GALNTL6: variants seen among roughly 807,000 people sequenced by gnomAD.
GALNTL6 encodes the protein polypeptide N-acetylgalactosaminyltransferase-like 6.
Under a neutral mutation model 73.7 loss-of-function variants are expected in GALNTL6, and 46 were observed. That is an observed-to-expected ratio of 0.62 (90% CI 0.49 to 0.80). The LOEUF is 0.80. GALNTL6 is among the 30% of genes least tolerant of loss of function. The pLI is 0.00. For synonymous variants in GALNTL6, 259 were observed against 263.7 expected (o/e 0.98, Z 0.17); for missense variants, 604 against 755.0 (o/e 0.80, Z 2.34).
chr4:172,774,947 G>A (rs970976024), intron 5 of GALNTL6, among the ~76,000 whole-genome samples: 7 of 144,550 alleles, frequency 4.8e-5, no homozygotes, highest in Non-Finnish European at 8.9e-5. Context: ...GTGACAGAGC[G>A]AGGCTCCATC....
At chr4:172,966,631 A>T (rs145411778) in intron 10 of GALNTL6, among the ~76,000 whole-genome samples, 157 of 152,288 alleles carry the variant, frequency 1.0e-3, no homozygotes, top group Non-Finnish European at 1.7e-3. Flanking sequence ...CCCTCAGGTG[A>T]TCCACCCGCC....
At chr4:172,415,360 C>G (rs1730783596) in intron 5 of GALNTL6, among the ~76,000 whole-genome samples, 1 of 152,102 alleles carries the variant, frequency 6.6e-6, no homozygotes, top group Non-Finnish European at 1.5e-5. Context: ...AATTCATTTC[C>G]TCTTCATATT....
intron 10 of GALNTL6, among the ~76,000 whole-genome samples, chr4:172,988,437 G>A (rs965879822): frequency 6.6e-6 from 1 of 152,220 alleles, no homozygotes; most frequent in Admixed American, 6.5e-5. Flanking sequence ...CATGAGAAAA[G>A]AGATTATCTC....
chr4:171,952,767 C>A (rs1462069090), intron 2 of GALNTL6, among the ~76,000 whole-genome samples: 1 of 151,956 alleles, frequency 6.6e-6, no homozygotes, highest in Non-Finnish European at 1.5e-5. Flanking sequence ...AGGATCATTT[C>A]TTTTGTAATC....
chr4:172,683,564 T>G (rs1199341228), intron 5 of GALNTL6, among the ~76,000 whole-genome samples: 2 of 152,138 alleles, frequency 1.3e-5, no homozygotes, highest in Admixed American at 1.3e-4. Flanking sequence ...GAAAAAGTAA[T>G]CTCATAGATT....
chr4:172,624,272 T>C (rs545352323), intron 5 of GALNTL6, among the ~76,000 whole-genome samples: 17 of 152,154 alleles, frequency 1.1e-4, no homozygotes, highest in African/African-American at 3.9e-4. Flanking sequence ...TTTTGTTTTT[T>C]GTTTGTTTGT....
chr4:171,956,218 T>G (rs1739046260), intron 2 of GALNTL6, among the ~76,000 whole-genome samples: 1 of 152,126 alleles, frequency 6.6e-6, no homozygotes, highest in African/African-American at 2.4e-5. Context: ...TTGCCCAGGA[T>G]TGTCTTGAAC....
At chr4:172,967,566 C>T (rs947065780) in intron 10 of GALNTL6, among the ~76,000 whole-genome samples, 5 of 152,022 alleles carry the variant, frequency 3.3e-5, no homozygotes, top group Non-Finnish European at 7.4e-5. Context: ...GTCTCACTTT[C>T]TGCACTTTTG....
intron 5 of GALNTL6, among the ~76,000 whole-genome samples, chr4:172,418,962 G>A (rs1730949873): frequency 6.6e-6 from 1 of 151,768 alleles, no homozygotes; most frequent in Non-Finnish European, 1.5e-5. Context: ...CAAGCAATAG[G>A]GAACTTTTTT....
intron 5 of GALNTL6, among the ~76,000 whole-genome samples, chr4:172,673,732 T>C (rs1431349411): frequency 6.6e-6 from 1 of 152,218 alleles, no homozygotes; most frequent in Admixed American, 6.5e-5. Context: ...GTAATGTCCT[T>C]CTTTGTCTTC....
intron 7 of GALNTL6, among the ~76,000 whole-genome samples, chr4:172,875,395 G>A (rs1561007276): frequency 6.6e-6 from 1 of 152,108 alleles, no homozygotes; most frequent in Non-Finnish European, 1.5e-5. Flanking sequence ...AATATAAAAA[G>A]GAACCCAAAT....
chr4:172,489,381 A>T (rs1038683174), intron 5 of GALNTL6, among the ~76,000 whole-genome samples: 1 of 152,252 alleles, frequency 6.6e-6, no homozygotes, highest in Non-Finnish European at 1.5e-5. Flanking sequence ...GAACTTTAGA[A>T]AAGAAAAATT....
intron 5 of GALNTL6, among the ~76,000 whole-genome samples, chr4:172,486,317 A>G (rs1733665417): frequency 6.6e-6 from 1 of 152,210 alleles, no homozygotes; most frequent in Non-Finnish European, 1.5e-5. Flanking sequence ...AGGGATATAA[A>G]GTCAAAGAAA....
At chr4:172,913,081 G>A (rs987236340) in intron 8 of GALNTL6, among the ~76,000 whole-genome samples, 24 of 152,276 alleles carry the variant, frequency 1.6e-4, no homozygotes, top group Admixed American at 1.2e-3. Context: ...TGCCACCTCC[G>A]CTGGTGATAC....
chr4:172,834,927 T>G (rs1742829197), intron 7 of GALNTL6, among the ~76,000 whole-genome samples: 1 of 152,190 alleles, frequency 6.6e-6, no homozygotes, highest in African/African-American at 2.4e-5. Flanking sequence ...AACTTTAAAC[T>G]GGGGGAAAAT....
At chr4:172,740,418 G>A (rs1431197049) in intron 5 of GALNTL6, among the ~76,000 whole-genome samples, 1 of 152,156 alleles carries the variant, frequency 6.6e-6, no homozygotes, top group Non-Finnish European at 1.5e-5. Context: ...GTTGTTCACA[G>A]TCTATCCTCA....
At chr4:171,945,456 A>G (rs1738674929) in intron 2 of GALNTL6, among the ~76,000 whole-genome samples, 1 of 152,146 alleles carries the variant, frequency 6.6e-6, no homozygotes. Context: ...GTTGTGAAAT[A>G]CACACATTTG....
At chr4:173,019,985 C>T (rs143957271) in intron 11 of GALNTL6, among the ~76,000 whole-genome samples, 10 of 152,334 alleles carry the variant, frequency 6.6e-5, no homozygotes, top group Non-Finnish European at 1.3e-4. Flanking sequence ...ATTGTGCTTT[C>T]TTTTATATCC....
rs547704316 is a variant in GALNTL6 at position 172,751,330 on chromosome 4, G to T, written c.554-58031G>T. Among the ~76,000 whole-genome samples the T allele has an allele frequency of 9.2e-5, 14 of 152,252 alleles. 1 individual carries two copies. In the South Asian group the frequency reaches 2.1e-3, roughly 23 times the overall value. On this transcript the variant is annotated intron_variant, in intron 5 of 12. Coordinates refer to ENST00000506823, the MANE Select transcript of GALNTL6 (RefSeq NM_001034845.3). ...AGATCAAAGATCAAATGGAGTTAAG[G>T]CTCAAAGTTAAATGTTTATATTGAG...
Sources: gnomAD v4.1 joint callset for allele counts (sites outside exome capture counted in the v4.1 genomes callset) on GRCh38, gnomAD v4.1.1 for gene constraint, MANE v1.5 for transcripts, NCBI Gene and HGNC (gene_info 2026-07-23, HGNC 2026-07-21) for gene names.